Variants in AKR1E2 observed in about 807,000 individuals in gnomAD.
The protein encoded by AKR1E2 is aldo-keto reductase family 1 member E2.
In AKR1E2, 43 loss-of-function variants were observed where a neutral mutation model predicts 41.9. The ratio of observed to expected loss-of-function variants is 1.03; its 90% confidence interval spans 0.80 to 1.32. The LOEUF (loss-of-function observed/expected upper bound fraction) is 1.32. Among genes scored for constraint, AKR1E2 ranks in the 40% most tolerant of loss-of-function variants. AKR1E2 has a pLI of 0.00. For synonymous variants in AKR1E2, 121 were observed against 138.9 expected, an observed-to-expected ratio of 0.87 and a Z score of 0.91; for missense variants, 423 against 396.5, an observed-to-expected ratio of 1.07 and a Z score of -0.57.
chr10:4,838,617 A>G (rs1833623039), intron 5 of AKR1E2, among the ~76,000 whole-genome samples: 1 of 152,210 alleles, frequency 6.6e-6, no homozygotes, highest in Admixed American at 6.5e-5. Flanking sequence ...GAACAAACTC[A>G]AGTATTCAGC....
chr10:4,834,612 A>T (rs1833253617), intron 3 of AKR1E2, among the ~76,000 whole-genome samples: 2 of 152,228 alleles, frequency 1.3e-5, no homozygotes, highest in Admixed American at 1.3e-4. Context: ...TGACACTATT[A>T]ACATCCCTCT....
chr10:4,858,328 T>C, the AKR1E2 span, among the ~76,000 whole-genome samples: 3 of 152,318 alleles, frequency 2.0e-5, no homozygotes, highest in African/African-American at 7.2e-5. Flanking sequence ...GGGTACTGTT[T>C]TTATATAGAC....
chr10:4,851,611 T>A (rs1834528167), downstream of AKR1E2, among the ~76,000 whole-genome samples: 2 of 152,242 alleles, frequency 1.3e-5, no homozygotes, highest in Non-Finnish European at 2.9e-5. Context: ...AACTCGATGC[T>A]TTCTGTGTGC....
chr10:4,840,297 A>C (rs1833770230), intron 6 of AKR1E2, among the ~76,000 whole-genome samples: 1 of 152,168 alleles, frequency 6.6e-6, no homozygotes, highest in Non-Finnish European at 1.5e-5. Context: ...CCCTTCCCAC[A>C]TCCCGAGTCC....
At chr10:4,868,188 C>T in the AKR1E2 span, among the ~76,000 whole-genome samples, 1 of 152,146 alleles carries the variant, frequency 6.6e-6, no homozygotes, top group African/African-American at 2.4e-5. Flanking sequence ...TTCTGGGTTC[C>T]TGTTGCTTAC....
rs1015552661 is a variant in AKR1E2, at chr10:4,835,759, G to A, written c.409G>A (p.Glu137Lys). ...HPRVQDLPLD[E>K]SNMVIPSDTD... ...TCGAGTGCAGGACTTGCCTCTGGAC[G>A]AGAGCAACATGGTTATTCCCAGTGA... is the stretch of plus-strand genomic sequence containing the variant. The change falls in exon 4 of 10, where the codon GAG (glutamate) becomes AAG (lysine). Residue 137 changes from glutamate (E) to lysine (K), a missense_variant. Physicochemically the swap from Glu to Lys is moderately conservative, Grantham distance 56. Coordinates refer to ENST00000298375, the MANE Select transcript of AKR1E2 (RefSeq NM_001040177.3). 1.1e-5 allele frequency: 17 copies of A among 1,614,012 alleles called. No homozygotes were observed. The highest frequency in any genetic ancestry group is 9.3e-5 in the African/African-American group (7 of 74,902).
chr10:4,850,240 C>A (rs183512753), downstream of AKR1E2, among the ~76,000 whole-genome samples: 2 of 152,162 alleles, frequency 1.3e-5, no homozygotes, highest in Non-Finnish European at 2.9e-5. Context: ...CCTTAAGGGA[C>A]CCTCTGCGTC....
At chr10:4,848,976 C>T (rs1993181), downstream of AKR1E2, among the ~76,000 whole-genome samples, 31,176 of 152,144 alleles carry the variant, frequency 0.2, 3,396 homozygotes, top group Middle Eastern at 0.35. Context: ...GCCATTGCCT[C>T]ATTCCTCAGT....
the AKR1E2 span, among the ~76,000 whole-genome samples, chr10:4,869,352 C>A: frequency 6.6e-6 from 1 of 152,082 alleles, no homozygotes; most frequent in Admixed American, 6.6e-5. Flanking sequence ...CTGTTTATTT[C>A]TACAGGATCT....
chr10:4,868,826 A>T, the AKR1E2 span, among the ~76,000 whole-genome samples: 1 of 152,120 alleles, frequency 6.6e-6, no homozygotes, highest in Non-Finnish European at 1.5e-5. Context: ...TTTTAGTATG[A>T]TGGATTATAT....
At position 4,837,599 on chromosome 10, in the gene AKR1E2, T is replaced by A; in HGVS notation, c.582+18T>A. 1 of 1,610,290 alleles carries A rather than the reference T, an allele frequency of 6.2e-7. No individual in the cohort carries two copies. The highest frequency in any genetic ancestry group is 8.5e-7 in the Non-Finnish European group (1 of 1,177,296). On this transcript the variant is annotated intron_variant, in intron 5 of 9. Coordinates refer to ENST00000298375, the MANE Select transcript of AKR1E2 (RefSeq NM_001040177.3). ...CCAACCAGGTAAGCCGATGGAAGCA[T>A]CAGAGAGTTTAACCTGTGTGGCTGG...
At chr10:4,853,068 G>A in the AKR1E2 span, among the ~76,000 whole-genome samples, 2 of 152,224 alleles carry the variant, frequency 1.3e-5, no homozygotes, top group Admixed American at 1.3e-4. Flanking sequence ...AATTCAATTA[G>A]GAGTTAGAAT....
intron 3 of AKR1E2, among the ~76,000 whole-genome samples, chr10:4,835,453 G>A (rs1032795727): frequency 5.9e-5 from 9 of 152,306 alleles, no homozygotes; most frequent in African/African-American, 9.6e-5. Flanking sequence ...CCCATCTTGT[G>A]AGAGATGAAC....
chr10:4,862,959 G>A, the AKR1E2 span, among the ~76,000 whole-genome samples: 521 of 152,142 alleles, frequency 3.4e-3, 1 homozygote, highest in African/African-American at 0.012. Flanking sequence ...GATTCATAAA[G>A]CAAGTCCTTA....
the AKR1E2 span, among the ~76,000 whole-genome samples, chr10:4,870,386 A>G: frequency 0.028 from 4,247 of 151,472 alleles, 75 homozygotes; most frequent in Middle Eastern, 0.094. Context: ...CATATTTGTT[A>G]TTTTTTTCTT....
intron 1 of AKR1E2, among the ~76,000 whole-genome samples, chr10:4,829,930 C>T (rs77102263): frequency 0.035 from 5,308 of 152,246 alleles, 151 homozygotes; most frequent in East Asian, 0.11. Flanking sequence ...TTTATCTTTC[C>T]ATCCAATTTC....
intron 2 of AKR1E2, among the ~76,000 whole-genome samples, chr10:4,831,594 C>G (rs1832974712): frequency 6.6e-6 from 1 of 152,162 alleles, no homozygotes; most frequent in South Asian, 2.1e-4. Context: ...GATTCAGTTA[C>G]CTCCCACTGG....
At chr10:4,868,384 G>T in the AKR1E2 span, among the ~76,000 whole-genome samples, 1 of 152,196 alleles carries the variant, frequency 6.6e-6, no homozygotes, top group South Asian at 2.1e-4. Context: ...TGGTCAAAAT[G>T]TAGTTGTTTC....
At chr10:4,834,720 T>C (rs942523515) in intron 3 of AKR1E2, among the ~76,000 whole-genome samples, 1 of 152,250 alleles carries the variant, frequency 6.6e-6, no homozygotes, top group Non-Finnish European at 1.5e-5. Flanking sequence ...TGTTACACTT[T>C]CCTTGCCCTC....
Sources: gnomAD v4.1 joint callset for allele counts (sites outside exome capture counted in the v4.1 genomes callset) on GRCh38, gnomAD v4.1.1 for gene constraint, MANE v1.5 for transcripts, NCBI Gene and HGNC (gene_info 2026-07-23, HGNC 2026-07-21) for gene names.